The following TAF12 variants were observed in gnomAD, a reference collection of about 807,000 sequenced individuals.
The protein encoded by TAF12 is transcription initiation factor TFIID subunit 12.
A neutral mutation model predicts 20.8 loss-of-function variants in TAF12; 3 were observed. The ratio of observed to expected loss-of-function variants is 0.14; its 90% CI spans 0.07 to 0.37. The LOEUF (loss-of-function observed/expected upper bound fraction) is 0.37, where lower values mean the gene tolerates loss of function less well. Among genes scored for constraint, TAF12 ranks in the 10% least tolerant of loss-of-function variants. TAF12 has a pLI of 1.00. For synonymous variants in TAF12, 69 were observed against 70.2 expected (o/e 0.98, Z 0.09); for missense variants, 131 against 197.9 (o/e 0.66, Z 2.03).
chr1:28,604,151 A>G (rs1289555012), intron 5 of TAF12, among the ~76,000 whole-genome samples: 1 of 152,072 alleles, frequency 6.6e-6, no homozygotes, highest in East Asian at 1.9e-4. Context: ...GTGATCCACC[A>G]GGCTCGGCCT....
chr1:28,603,581 G>A lies in TAF12; in HGVS notation c.451-7C>T. The A allele has an allele frequency of 6.2e-7, 1 of 1,613,724 alleles. No individual in the cohort carries two copies. The highest frequency in any genetic ancestry group is 8.5e-7 in the Non-Finnish European group (1 of 1,180,016). Reference sequence around the variant, plus strand: ...TCCGGATCAATGCCATTCTCTGAAAGGAGAGACAAATAAGCAGTTATACAG... The same window carrying A: ...TCCGGATCAATGCCATTCTCTGAAAAGAGAGACAAATAAGCAGTTATACAG... On this transcript the variant is annotated splice_polypyrimidine_tract_variant and splice_region_variant and intron_variant, in intron 5 of 5. Transcript: ENST00000373824.
Position 28,621,907 on chromosome 1 carries a change from A to T in TAF12, c.168+7T>A, listed in dbSNP as rs1667232406. 3.1e-6 allele frequency: 5 copies of T among 1,612,534 alleles called. No individual in the cohort carries two copies. Among genetic ancestry groups the T allele is most frequent in the Non-Finnish European group, 4.2e-6 (5 of 1,179,566 alleles). On this transcript the variant is annotated splice_region_variant and intron_variant, in intron 2 of 5. Transcript: ENST00000373824. The stretch of plus-strand genomic sequence containing the variant: ...GCTACAGAGAAGAAAGAGTAAGAGG[A>T]TGATACCTGATTGTTTTCAGGGCTA...
chr1:28,603,724 T>A, intron 5 of TAF12, 150 bp from the exon 6 acceptor site: 1 of 735,258 alleles, frequency 1.4e-6, no homozygotes. Context: ...AGTAGATTCC[T>A]TTTAACCAGA....
rs181099472 is a variant in TAF12, at chr1:28,626,073, C to T, written c.-84-3908G>A. On this transcript the variant is annotated intron_variant, in intron 1 of 5. Transcript: ENST00000373824. The stretch of plus-strand genomic sequence containing the variant: ...TCAGCTCACTGCAACCTCTGCCTTG[C>T]GGGTTCAAGCAATTCCTGCCTCAGC... Among the ~76,000 whole-genome samples, 928 of 151,452 alleles carry T rather than the reference C, an allele frequency of 6.1e-3. 3 individuals carry two copies. Among genetic ancestry groups the T allele is most frequent in the Non-Finnish European group, 0.01 (706 of 67,870 alleles).
chr1:28,636,891 TGA>T (rs930912320), intron 1 of TAF12, among the ~76,000 whole-genome samples: 3 of 152,116 alleles, frequency 2.0e-5, no homozygotes, highest in Non-Finnish European at 4.4e-5. Flanking sequence ...CGGAATGGCT[TGA>T]GCCTAGGAGT....
intron 1 of TAF12, among the ~76,000 whole-genome samples, chr1:28,627,391 GAA>G (rs771889346): frequency 4.7e-5 from 3 of 63,638 alleles, no homozygotes; most frequent in Non-Finnish European, 3.5e-5. Flanking sequence ...CCGTCTCAAA[GAA>G]AAAAAAAAAA....
chr1:28,616,986 G>A (rs1667062426), intron 3 of TAF12, among the ~76,000 whole-genome samples: 1 of 151,948 alleles, frequency 6.6e-6, no homozygotes, highest in Non-Finnish European at 1.5e-5. Context: ...CAGGTGTGGT[G>A]GTGCATGCCT....
intron 1 of TAF12, among the ~76,000 whole-genome samples, chr1:28,627,261 G>A (rs557596225): frequency 4.0e-5 from 6 of 151,534 alleles, no homozygotes; most frequent in Admixed American, 2.6e-4. Flanking sequence ...GGTGGCACAC[G>A]CCTGTAATCC....
At chr1:28,608,526 G>C (rs576507927) in intron 4 of TAF12, among the ~76,000 whole-genome samples, 2 of 152,236 alleles carry the variant, frequency 1.3e-5, no homozygotes, top group Admixed American at 1.3e-4. Flanking sequence ...GGCCAAGGTA[G>C]GCAGATTGCC....
intron 2 of TAF12, 136 bp from the exon 3 acceptor site, chr1:28,618,166 T>A: frequency 1.4e-6 from 1 of 710,976 alleles, no homozygotes; most frequent in Non-Finnish European, 2.3e-6. Flanking sequence ...CTGGCCTACC[T>A]GACTATGCTG....
At chr1:28,638,196 T>C (rs943163354) in intron 1 of TAF12, among the ~76,000 whole-genome samples, 1 of 151,310 alleles carries the variant, frequency 6.6e-6, no homozygotes, top group Non-Finnish European at 1.5e-5. Flanking sequence ...TTTTATTTTA[T>C]TTTATTTTTT....
intron 3 of TAF12, among the ~76,000 whole-genome samples, chr1:28,615,451 G>A (rs1487897923): frequency 6.6e-6 from 1 of 151,894 alleles, no homozygotes; most frequent in African/African-American, 2.4e-5. Context: ...GGCCGAAGTG[G>A]GTGGATGACC....
At position 28,611,545 on chromosome 1, in the gene TAF12, C is replaced by G. The variant is rs185111160; in HGVS notation, c.361+1702G>C. 7.7e-5 allele frequency among the ~76,000 whole-genome samples: 11 copies of G among 142,910 alleles called. No individual in the cohort carries two copies. The East Asian group carries it at 2.2e-3, about 29-fold the overall frequency. The allele number at this position is 142,910 out of a possible 152,430, so 93.8% of individuals were successfully genotyped here. On this transcript the variant is annotated intron_variant, in intron 4 of 5. Coordinates refer to ENST00000373824, the MANE Select transcript of TAF12 (RefSeq NM_005644.4). The stretch of plus-strand genomic sequence containing the variant: ...TGTCCTATGAGAAGAAAAGAAGAGA[C>G]ACAGAGACAGAGACACAGAGGGAAA...
intron 1 of TAF12, among the ~76,000 whole-genome samples, chr1:28,632,419 G>A (rs1667662283): frequency 6.6e-6 from 1 of 152,144 alleles, no homozygotes; most frequent in African/African-American, 2.4e-5. Flanking sequence ...GGGAGGCTGA[G>A]GTAAGAGAAT....
At chr1:28,631,660 G>C (rs1298950473) in intron 1 of TAF12, among the ~76,000 whole-genome samples, 1 of 152,078 alleles carries the variant, frequency 6.6e-6, no homozygotes, top group Non-Finnish European at 1.5e-5. Flanking sequence ...TGAGACCCTG[G>C]CTCTTTATTT....
intron 1 of TAF12, 103 bp from the exon 2 acceptor site, chr1:28,622,268 C>T (rs913550819): frequency 3.9e-5 from 47 of 1,209,270 alleles, no homozygotes; most frequent in Non-Finnish European, 1.0e-6. Flanking sequence ...AACTGTAATC[C>T]CAGCACTTTG....
At chr1:28,624,637 C>T (rs796152562) in intron 1 of TAF12, among the ~76,000 whole-genome samples, 2 of 152,094 alleles carry the variant, frequency 1.3e-5, no homozygotes, top group East Asian at 3.9e-4. Flanking sequence ...ATCCCAGCTA[C>T]TTGGGAGGCT....
upstream of TAF12, chr1:28,643,410 C>G (rs1324874573): frequency 6.6e-6 from 1 of 152,338 alleles, no homozygotes. Context: ...GTGCCTTTGT[C>G]TTGGTGTCAG....
At chr1:28,644,700 A>G (rs1668139612), upstream of TAF12, among the ~76,000 whole-genome samples, 1 of 152,258 alleles carries the variant, frequency 6.6e-6, no homozygotes, top group Non-Finnish European at 1.5e-5. Flanking sequence ...GGCCTGAGCC[A>G]TGGTCTTCAG....
Sources: allele counts gnomAD v4.1 joint callset (sites outside exome capture counted in the v4.1 genomes callset), GRCh38; gene constraint gnomAD v4.1.1; transcripts MANE v1.5; gene names NCBI Gene and HGNC (gene_info 2026-07-23, HGNC 2026-07-21).